Variants in GRIA1 observed in about 807,000 individuals in gnomAD.
The protein encoded by GRIA1 is glutamate ionotropic receptor AMPA type subunit 1.
Under a neutral mutation model 99.2 loss-of-function variants are expected in GRIA1, and 31 were observed. That is an observed-to-expected ratio of 0.31 (90% CI 0.23 to 0.42). The LOEUF is 0.42. Among genes scored for constraint, GRIA1 ranks in the 10% least tolerant of loss-of-function variants. The pLI, the probability that GRIA1 is intolerant of heterozygous loss-of-function variation, is 1.00. For missense variants in GRIA1, 782 were observed against 1,157.5 expected, an observed-to-expected ratio of 0.68 and a Z score of 4.71; for synonymous variants, 438 against 432.4, an observed-to-expected ratio of 1.01 and a Z score of -0.16.
chr5:153,717,091 TG>T (rs1444776130), intron 11 of GRIA1, among the ~76,000 whole-genome samples: 1 of 152,118 alleles, frequency 6.6e-6, no homozygotes, highest in Non-Finnish European at 1.5e-5. Flanking sequence ...TGGGAAGTCG[TG>T]GGTTATGGTC....
At chr5:153,506,341 G>GTT (rs1755500044) in intron 2 of GRIA1, among the ~76,000 whole-genome samples, 2 of 151,752 alleles carry the variant, frequency 1.3e-5, no homozygotes, top group Non-Finnish European at 2.9e-5. Context: ...GTGTGTGTGT[G>GTT]TGTGTGTGTG....
intron 12 of GRIA1, 91 bp from the exon 13 acceptor site, chr5:153,770,077 G>A: frequency 7.8e-7 from 1 of 1,281,644 alleles, no homozygotes; most frequent in Admixed American, 1.9e-5. Flanking sequence ...TCATGAATGT[G>A]TGATCAAGCT....
At chr5:153,594,325 C>T (rs1399054698) in intron 2 of GRIA1, among the ~76,000 whole-genome samples, 3 of 152,152 alleles carry the variant, frequency 2.0e-5, no homozygotes, top group East Asian at 3.8e-4. Flanking sequence ...TTCATTTCTG[C>T]TCTTTCATTT....
chr5:153,678,337 C>T (rs1181142887), intron 7 of GRIA1, among the ~76,000 whole-genome samples: 1 of 152,186 alleles, frequency 6.6e-6, no homozygotes, highest in African/African-American at 2.4e-5. Context: ...TGTTCCTCAG[C>T]CCTGATGAGT....
chr5:153,501,719 G>GGGGACT (rs2113244535), intron 2 of GRIA1, among the ~76,000 whole-genome samples: 1 of 152,296 alleles, frequency 6.6e-6, no homozygotes, highest in East Asian at 1.9e-4. Context: ...TCTGGCAGAT[G>GGGGACT]GGCAGGAGGA....
chr5:153,789,294 A>C (rs1209607548), intron 13 of GRIA1, among the ~76,000 whole-genome samples: 3 of 150,614 alleles, frequency 2.0e-5, no homozygotes, highest in Non-Finnish European at 3.0e-5. Flanking sequence ...CCTTTGTATG[A>C]TTCTAATACC....
intron 13 of GRIA1, among the ~76,000 whole-genome samples, chr5:153,775,531 C>T (rs2149627059): frequency 6.6e-6 from 1 of 152,278 alleles, no homozygotes; most frequent in South Asian, 2.1e-4. Flanking sequence ...GGGTAATGGG[C>T]ACCCAGGAAG....
chr5:153,601,499 A>G (rs1266374294), intron 2 of GRIA1, among the ~76,000 whole-genome samples: 1 of 152,228 alleles, frequency 6.6e-6, no homozygotes, highest in Non-Finnish European at 1.5e-5. Flanking sequence ...ATTAAGGTTC[A>G]TATACTCTCA....
intron 1 of GRIA1, among the ~76,000 whole-genome samples, chr5:153,492,579 G>A (rs938868347): frequency 1.3e-5 from 2 of 152,056 alleles, no homozygotes; most frequent in Non-Finnish European, 2.9e-5. Flanking sequence ...TCTTACATGT[G>A]GCATTGTTTA....
At chr5:153,597,128 G>A (rs1471121606) in intron 2 of GRIA1, among the ~76,000 whole-genome samples, 1 of 152,178 alleles carries the variant, frequency 6.6e-6, no homozygotes, top group Admixed American at 6.5e-5. Context: ...GGAGACTGAC[G>A]GTTTTGAACA....
At chr5:153,742,875 C>T (rs538365612) in intron 11 of GRIA1, among the ~76,000 whole-genome samples, 5 of 152,218 alleles carry the variant, frequency 3.3e-5, no homozygotes, top group African/African-American at 9.6e-5. Flanking sequence ...AGATCCCTAA[C>T]CTTAATTCTG....
At chr5:153,631,685 C>T (rs1403398942) in intron 2 of GRIA1, among the ~76,000 whole-genome samples, 1 of 152,054 alleles carries the variant, frequency 6.6e-6, no homozygotes, top group African/African-American at 2.4e-5. Context: ...ATGTGCTTCA[C>T]AGTGTTTTAA....
intron 3 of GRIA1, among the ~76,000 whole-genome samples, 192 bp from the exon 4 acceptor site, chr5:153,650,138 T>C (rs1754446241): frequency 6.6e-6 from 1 of 152,232 alleles, no homozygotes; most frequent in Non-Finnish European, 1.5e-5. Flanking sequence ...TCACTAGTTC[T>C]ACCATCTATG....
intron 11 of GRIA1, among the ~76,000 whole-genome samples, chr5:153,743,207 A>C (rs1761930703): frequency 6.6e-6 from 1 of 152,222 alleles, no homozygotes; most frequent in Non-Finnish European, 1.5e-5. Context: ...GCAGACACAA[A>C]AAAATGGCTT....
Position 153,677,114 on chromosome 5 carries a change from G to A in GRIA1, c.982G>A (p.Ala328Thr). 6.4e-7 allele frequency: 1 copy of A among 1,572,334 alleles called. No individual in the cohort carries two copies. Among genetic ancestry groups the A allele is most frequent in the South Asian group, 1.2e-5 (1 of 85,398 alleles). Reference protein sequence around the residue: ...GNAGDCLANPAVPWGQGIDIQ... With the variant: ...GNAGDCLANPTVPWGQGIDIQ... ...TGCTGGGGATTGTCTGGCTAACCCA[G>A]CTGTTCCCTGGGGCCAAGGGATCGA... The change falls in exon 7 of 16, where the codon GCT (alanine) becomes ACT (threonine). Residue 328 changes from alanine to threonine, a missense_variant. By Grantham distance (58) the Ala-to-Thr change is moderately conservative (BLOSUM62 0). This residue lies in a region of GRIA1 where 461 missense variants were observed against 521.7 expected (regional missense o/e 0.88). Coordinates refer to ENST00000285900, the MANE Select transcript of GRIA1 (RefSeq NM_000827.4).
chr5:153,696,516 C>A (rs992150139), intron 8 of GRIA1, among the ~76,000 whole-genome samples: 1 of 152,198 alleles, frequency 6.6e-6, no homozygotes, highest in African/African-American at 2.4e-5. Context: ...TAGCCTCTGA[C>A]ATAGCAAGAG....
chr5:153,496,260 C>T (rs1158686398), intron 2 of GRIA1, among the ~76,000 whole-genome samples: 2 of 152,202 alleles, frequency 1.3e-5, no homozygotes, highest in African/African-American at 4.8e-5. Flanking sequence ...TTTTGGTCAA[C>T]AGGCCTGGAG....
chr5:153,611,461 T>C (rs965807900), intron 2 of GRIA1, among the ~76,000 whole-genome samples: 1 of 152,194 alleles, frequency 6.6e-6, no homozygotes, highest in Non-Finnish European at 1.5e-5. Flanking sequence ...TGTTCTCTAA[T>C]TGAGGTTTTG....
At chr5:153,516,478 GA>G (rs1756640824) in intron 2 of GRIA1, among the ~76,000 whole-genome samples, 1 of 151,956 alleles carries the variant, frequency 6.6e-6, no homozygotes, top group South Asian at 2.1e-4. Flanking sequence ...CAAAGGCTCA[GA>G]AAAGACTAGT....
Sources: allele counts gnomAD v4.1 joint callset (sites outside exome capture counted in the v4.1 genomes callset), GRCh38; gene constraint gnomAD v4.1.1; regional missense constraint gnomAD v4.1.1; transcripts MANE v1.5; gene names NCBI Gene and HGNC (gene_info 2026-07-23, HGNC 2026-07-21).